The following GRK1 variants were observed in gnomAD, a reference collection of about 807,000 sequenced individuals.
GRK1 encodes the protein G protein-coupled receptor kinase 1, also known as rhodopsin kinase GRK1.
A neutral mutation model predicts 41.7 loss-of-function variants in GRK1; 28 were observed. That is an observed-to-expected ratio of 0.67 (90% CI 0.50 to 0.92). GRK1 has a LOEUF of 0.92. GRK1 is among the 40% of genes least tolerant of loss of function. The pLI is 0.00. For synonymous variants in GRK1, 327 were observed against 286.7 expected, an observed-to-expected ratio of 1.14 and a Z score of -1.42; for missense variants, 703 against 671.2, an observed-to-expected ratio of 1.05 and a Z score of -0.52.
chr13:113,732,755 G>T, intron 5 of GRK1, 129 bp from the exon 6 acceptor site: 1 of 882,742 alleles, frequency 1.1e-6, no homozygotes, highest in Non-Finnish European at 1.7e-6. Flanking sequence ...TGCTGGGGAG[G>T]GGCACAAGGC....
the GRK1 span, among the ~76,000 whole-genome samples, chr13:113,662,011 A>G: frequency 1.3e-5 from 2 of 152,254 alleles, no homozygotes; most frequent in African/African-American, 4.8e-5. Context: ...TCAGACAAGG[A>G]TAGTTCAAAA....
intron 2 of GRK1, among the ~76,000 whole-genome samples, chr13:113,670,138 C>T (rs1205530929): frequency 6.6e-6 from 1 of 152,134 alleles, no homozygotes; most frequent in East Asian, 1.9e-4. Flanking sequence ...GGCTGAGGGC[C>T]TTGCACCAGG....
In GRK1 at chr13:113,737,385, G is replaced by A. The variant is rs1487483888; in HGVS notation, c.*2022G>A. ...CATGTCTTCCCATAGATCCCACGTC[G>A]GCCACACCCTGGGTGAGGAGCACGT... is the stretch of plus-strand genomic sequence containing the variant. On this transcript the variant is annotated 3_prime_UTR_variant, in exon 7 of 7. Transcript: ENST00000335678. 1.7e-5 allele frequency: 2 copies of A among 118,606 alleles called. No homozygotes were observed. The highest frequency in any genetic ancestry group is 3.5e-5 in the African/African-American group (1 of 28,546). 7.3% of individuals were successfully genotyped at this position (118,606 alleles called of 1,614,324 possible). A position where few individuals can be genotyped will look rare whatever the true frequency, so the allele number is the denominator to read the frequency against.
In GRK1 at chr13:113,671,720, G is replaced by A. The variant is rs988546501; in HGVS notation, c.985+64G>A. 4 of 701,250 alleles carry A rather than the reference G, an allele frequency of 5.7e-6. No homozygotes were observed. Among genetic ancestry groups the A allele is most frequent in the South Asian group, 4.4e-5 (3 of 67,602 alleles). 43.4% of individuals were successfully genotyped at this position (701,250 alleles called of 1,614,324 possible). A position where few individuals can be genotyped will look rare whatever the true frequency, so the allele number is the denominator to read the frequency against. The stretch of plus-strand genomic sequence containing the variant: ...AGGAGGGCGGGGCGCAGCTTCCTTG[G>A]GGGTCTCTGCACAACCTCACGAGGG... On this transcript the variant is annotated intron_variant, in intron 3 of 6. Coordinates refer to ENST00000335678, the MANE Select transcript of GRK1 (RefSeq NM_002929.3). The surrounding 1 kb of genome is among the most constrained non-coding windows in gnomAD (Gnocchi z 4.1).
At chr13:113,730,574 C>T (rs1343448108) in intron 4 of GRK1, among the ~76,000 whole-genome samples, 1 of 150,198 alleles carries the variant, frequency 6.7e-6, no homozygotes, top group African/African-American at 2.5e-5. Context: ...AGCCCTCCCT[C>T]CATCCTGAGT....
intron 6 of GRK1, among the ~76,000 whole-genome samples, chr13:113,733,881 A>G (rs570740550): frequency 0.085 from 7,503 of 88,244 alleles, 348 homozygotes; most frequent in South Asian, 0.2. Context: ...GTGTGTGCAT[A>G]CGTGTGTGCG....
At chr13:113,734,353 G>A (rs1594583334) in intron 6 of GRK1, 1 of 152,334 alleles carries the variant, frequency 6.6e-6, no homozygotes, top group Non-Finnish European at 1.5e-5. Context: ...GATGAGGAGG[G>A]GACCCCGCCC....
At position 113,731,166 on chromosome 13, in the gene GRK1, G is replaced by A. The variant is rs561835180; in HGVS notation, c.1070-53G>A. On this transcript the variant is annotated intron_variant, in intron 4 of 6. Coordinates refer to ENST00000335678, the MANE Select transcript of GRK1 (RefSeq NM_002929.3). The surrounding 1 kb of genome is among the most constrained non-coding windows in gnomAD (Gnocchi z 5.6). ...ATCAGTCCTGCGATTCCTGGAGTGCGTGCCCACCATGGAGGTGACCACCTC... is the reference window on the plus strand; with the variant it reads ...ATCAGTCCTGCGATTCCTGGAGTGCATGCCCACCATGGAGGTGACCACCTC... The A allele has an allele frequency of 5.3e-5, 80 of 1,520,710 alleles. 1 individual carries two copies. In the South Asian group the frequency reaches 8.6e-4, roughly 16 times the overall value. The allele number at this position is 1,520,710 out of a possible 1,614,324, so 94.2% of individuals were successfully genotyped here.
chr13:113,733,862 C>T lies in GRK1; in HGVS notation c.1396+777C>T, dbSNP rs552377939. Among the ~76,000 whole-genome samples, 222 of 104,226 alleles carry T rather than the reference C, an allele frequency of 2.1e-3. 17 individuals are homozygous for T. Among genetic ancestry groups the T allele is most frequent in the African/African-American group, 8.5e-3 (207 of 24,298 alleles). The allele number at this position is 104,226 out of a possible 152,430, so 68.4% of individuals were successfully genotyped here. ...GCGTGTGCATGTGTATGTGTGCATA[C>T]GTGTGTGCGTGTGTGCATACGTGTG... is the stretch of plus-strand genomic sequence containing the variant. On this transcript the variant is annotated intron_variant, in intron 6 of 6. Coordinates refer to ENST00000335678, the MANE Select transcript of GRK1 (RefSeq NM_002929.3).
At chr13:113,651,977 G>A in the GRK1 span, among the ~76,000 whole-genome samples, 11 of 152,114 alleles carry the variant, frequency 7.2e-5, no homozygotes, top group African/African-American at 2.4e-4. Flanking sequence ...GGCTTCAGGA[G>A]GCGGCTGGCA....
At position 113,735,246 on chromosome 13, in the gene GRK1, G is replaced by C; in HGVS notation, c.1575G>C (p.Thr525=). 1 of 1,537,078 alleles carries C rather than the reference G, an allele frequency of 6.5e-7. No individual in the cohort carries two copies. The highest frequency in any genetic ancestry group is 8.7e-7 in the Non-Finnish European group (1 of 1,146,870). ...CCTGGCAGGAGGAGATGATCGAGACGGGCATCTTTGGCGAGCTGAACGTGT... is the reference window on the plus strand; with the variant it reads ...CCTGGCAGGAGGAGATGATCGAGACCGGCATCTTTGGCGAGCTGAACGTGT... ...PIPWQEEMIE[T]GIFGELNVWR... Residue 525 remains threonine, a synonymous_variant, in exon 7 of 7, where the codon ACG becomes ACC. Coordinates refer to ENST00000335678, the MANE Select transcript of GRK1 (RefSeq NM_002929.3).
chr13:113,655,035 C>T, the GRK1 span: 3 of 1,516,722 alleles, frequency 2.0e-6, no homozygotes, highest in Non-Finnish European at 2.7e-6. Context: ...GTGGCGTGAC[C>T]ATCTTCCCTA....
At chr13:113,669,537 C>A in intron 1 of GRK1, 150 bp from the exon 2 acceptor site, 1 of 863,510 alleles carries the variant, frequency 1.2e-6, no homozygotes, top group Admixed American at 2.0e-5. Context: ...AAGTCATTTG[C>A]AATTGCTTTG....
chr13:113,730,520 G>C (rs2049929377), intron 4 of GRK1, among the ~76,000 whole-genome samples: 2 of 149,774 alleles, frequency 1.3e-5, no homozygotes, highest in Non-Finnish European at 3.0e-5. Context: ...GCTGAGCCCA[G>C]AGCCATCCCC....
intron 4 of GRK1, among the ~76,000 whole-genome samples, chr13:113,729,982 G>A (rs1254782810): frequency 2.7e-5 from 4 of 147,624 alleles, no homozygotes; most frequent in African/African-American, 7.6e-5. Context: ...TCTGGAGACA[G>A]TCCCCACGGC....
intron 2 of GRK1, among the ~76,000 whole-genome samples, chr13:113,670,115 G>T (rs568503729): frequency 4.6e-5 from 7 of 152,186 alleles, no homozygotes; most frequent in African/African-American, 1.7e-4. Context: ...TGCAGTCGGC[G>T]GGGCCTCTGC....
chr13:113,654,913 A>G, the GRK1 span: 6 of 1,614,126 alleles, frequency 3.7e-6, no homozygotes, highest in South Asian at 5.5e-5. Flanking sequence ...ATCACCACGT[A>G]GAAGGCCACG....
the GRK1 span, among the ~76,000 whole-genome samples, chr13:113,660,674 G>A: frequency 6.6e-6 from 1 of 152,120 alleles, no homozygotes; most frequent in Non-Finnish European, 1.5e-5. Context: ...AGACCAGCCT[G>A]GGCATCTCTG....
At chr13:113,657,549 C>T in the GRK1 span, among the ~76,000 whole-genome samples, 1 of 152,218 alleles carries the variant, frequency 6.6e-6, no homozygotes, top group African/African-American at 2.4e-5. Flanking sequence ...GCAGGTGCTG[C>T]AGGCTGAGGC....
Sources: allele counts gnomAD v4.1 joint callset (sites outside exome capture counted in the v4.1 genomes callset), GRCh38; gene constraint gnomAD v4.1.1; non-coding constraint Gnocchi (gnomAD v3.1); transcripts MANE v1.5; gene names NCBI Gene and HGNC (gene_info 2026-07-23, HGNC 2026-07-21).